The following WDR70 variants were observed in gnomAD, a reference collection of about 807,000 sequenced individuals.
The protein encoded by WDR70 is WD repeat-containing protein 70.
A neutral mutation model predicts 88.6 loss-of-function variants in WDR70; 53 were observed. The observed-to-expected ratio is 0.60, with a 90% CI of 0.48 to 0.75. The LOEUF is 0.75. Among genes scored for constraint, WDR70 ranks in the 30% least tolerant of loss-of-function variants. The probability of loss-of-function intolerance (pLI) is 0.00; values close to 1 mark genes in which losing one functional copy is unlikely to be tolerated. For missense variants in WDR70, 610 were observed against 823.2 expected, an observed-to-expected ratio of 0.74 and a Z score of 3.17; for synonymous variants, 280 against 270.0, an observed-to-expected ratio of 1.04 and a Z score of -0.36.
chr5:37,611,928 A>T (rs951253904), intron 10 of WDR70, among the ~76,000 whole-genome samples: 1 of 152,066 alleles, frequency 6.6e-6, no homozygotes, highest in Non-Finnish European at 1.5e-5. Context: ...AAAGACTTGT[A>T]TAAGTTAAAC....
chr5:37,598,812 A>G (rs949701582), intron 9 of WDR70, among the ~76,000 whole-genome samples: 5 of 152,236 alleles, frequency 3.3e-5, no homozygotes, highest in African/African-American at 1.2e-4. Context: ...GTTTCATAAA[A>G]AAGATTTAAA....
chr5:37,624,481 A>C (rs1431487588), intron 10 of WDR70, among the ~76,000 whole-genome samples: 1 of 152,086 alleles, frequency 6.6e-6, no homozygotes, highest in Middle Eastern at 3.2e-3. Flanking sequence ...GGCTGTTGTG[A>C]ATAGGGCAGC....
chr5:37,621,834 T>C (rs1744512650), intron 10 of WDR70, among the ~76,000 whole-genome samples: 1 of 152,144 alleles, frequency 6.6e-6, no homozygotes, highest in African/African-American at 2.4e-5. Context: ...ATTGCCTAGG[T>C]TTTCTTCTAG....
chr5:37,678,526 A>G (rs1746308800), intron 10 of WDR70, among the ~76,000 whole-genome samples: 1 of 152,130 alleles, frequency 6.6e-6, no homozygotes, highest in Non-Finnish European at 1.5e-5. Context: ...TCTGGGTTGA[A>G]AATTCTTTTC....
intron 7 of WDR70, among the ~76,000 whole-genome samples, chr5:37,457,522 A>G (rs1738880308): frequency 1.3e-5 from 2 of 152,194 alleles, no homozygotes; most frequent in Admixed American, 1.3e-4. Flanking sequence ...TTCTCTTCCA[A>G]ATTACAAATG....
chr5:37,597,018 A>G (rs1743722001), intron 9 of WDR70, among the ~76,000 whole-genome samples: 1 of 152,096 alleles, frequency 6.6e-6, no homozygotes, highest in Non-Finnish European at 1.5e-5. Context: ...GTTGTTTTAT[A>G]TGTCAGTACT....
At position 37,655,582 on chromosome 5, in the gene WDR70, G is replaced by A. The variant is rs118132428; in HGVS notation, c.1093-42073G>A. Among the ~76,000 whole-genome samples, 67 of 152,056 alleles carry A rather than the reference G, an allele frequency of 4.4e-4. 3 individuals carry two copies. In the East Asian group the frequency reaches 9.9e-3, roughly 22 times the overall value. On this transcript the variant is annotated intron_variant, in intron 10 of 17. Coordinates refer to ENST00000265107, the MANE Select transcript of WDR70 (RefSeq NM_018034.4). ...TCACTTTCAGGTACACCCGTCAAAC[G>A]CAGATTTGGTTTTTTCATATAGTCC...
chr5:37,562,291 G>A (rs1561902555), intron 9 of WDR70, among the ~76,000 whole-genome samples: 2 of 152,150 alleles, frequency 1.3e-5, no homozygotes, highest in Admixed American at 6.5e-5. Context: ...GGGAGGCAGA[G>A]GTTGCTGTGA....
At chr5:37,589,556 T>C (rs942612149) in intron 9 of WDR70, among the ~76,000 whole-genome samples, 1 of 152,066 alleles carries the variant, frequency 6.6e-6, no homozygotes, top group Admixed American at 6.6e-5. Flanking sequence ...GCTACCAAAC[T>C]GATTTTTCTT....
intron 10 of WDR70, among the ~76,000 whole-genome samples, chr5:37,605,883 GGTAAAAC>G: frequency 6.6e-6 from 1 of 152,158 alleles, no homozygotes; most frequent in Non-Finnish European, 1.5e-5. Context: ...ATGTATAGAT[GGTAAAAC>G]AAAGATGTTT....
At chr5:37,438,763 A>C (rs972955928) in intron 6 of WDR70, among the ~76,000 whole-genome samples, 1 of 152,196 alleles carries the variant, frequency 6.6e-6, no homozygotes, top group African/African-American at 2.4e-5. Context: ...TATTGTTTTC[A>C]TAAAAATATT....
intron 9 of WDR70, among the ~76,000 whole-genome samples, chr5:37,540,319 C>T (rs1741780035): frequency 6.6e-6 from 1 of 152,202 alleles, no homozygotes. Context: ...TACCTTCTCA[C>T]AAATCTTAAA....
At chr5:37,657,022 A>G (rs1745573997) in intron 10 of WDR70, among the ~76,000 whole-genome samples, 1 of 152,188 alleles carries the variant, frequency 6.6e-6, no homozygotes, top group African/African-American at 2.4e-5. Flanking sequence ...TCTCGCTGGC[A>G]TTCCAGGTGC....
intron 7 of WDR70, among the ~76,000 whole-genome samples, chr5:37,447,831 A>G (rs1477864069): frequency 6.6e-6 from 1 of 152,222 alleles, no homozygotes; most frequent in Non-Finnish European, 1.5e-5. Context: ...AGATATACCT[A>G]GTGTAAATGA....
At chr5:37,514,339 C>CATAT (rs70978826) in intron 8 of WDR70, among the ~76,000 whole-genome samples, 1,113 of 28,732 alleles carry the variant, frequency 0.039, 169 homozygotes, top group Middle Eastern at 0.1. Flanking sequence ...TTTAGAACTA[C>CATAT]ATATATATAT....
intron 6 of WDR70, among the ~76,000 whole-genome samples, chr5:37,442,563 T>C (rs1273084004): frequency 1.3e-5 from 2 of 152,058 alleles, no homozygotes; most frequent in Admixed American, 1.3e-4. Context: ...CCTCAAGTGA[T>C]CTCCCTGCCT....
chr5:37,388,171 G>A (rs1748685847), intron 3 of WDR70, among the ~76,000 whole-genome samples: 1 of 151,934 alleles, frequency 6.6e-6, no homozygotes, highest in South Asian at 2.1e-4. Flanking sequence ...CCAGGCTAGA[G>A]TGCAATGGGA....
At chr5:37,738,043 A>G (rs1477942744) in intron 17 of WDR70, among the ~76,000 whole-genome samples, 1 of 150,162 alleles carries the variant, frequency 6.7e-6, no homozygotes, top group Non-Finnish European at 1.5e-5. Flanking sequence ...AAAAAAAAAA[A>G]CAAACAAAAA....
chr5:37,704,897 A>T lies in WDR70; in HGVS notation c.1416+1810A>T, dbSNP rs1205353796. ...TATCTTGTGTCTTTTTTTTTTTTTT[A>T]AAGCAGAGGAAGACACATTCAGATC... On this transcript the variant is annotated intron_variant, in intron 13 of 17. Coordinates refer to ENST00000265107, the MANE Select transcript of WDR70 (RefSeq NM_018034.4). Among the ~76,000 whole-genome samples the T allele has an allele frequency of 9.4e-5, 14 of 149,442 alleles. No homozygotes were observed. The South Asian group carries it at 1.5e-3, about 16-fold the overall frequency.
Sources: gnomAD v4.1 joint callset for allele counts (sites outside exome capture counted in the v4.1 genomes callset) on GRCh38, gnomAD v4.1.1 for gene constraint, MANE v1.5 for transcripts, NCBI Gene and HGNC (gene_info 2026-07-23, HGNC 2026-07-21) for gene names.